IGSF5: variants seen among roughly 807,000 people sequenced by gnomAD.
IGSF5 encodes the protein immunoglobulin superfamily member 5, also known as immunoglobulin superfamily 5 like.
IGSF5 carries 41 observed loss-of-function variants against 39.4 expected under a neutral mutation model. The observed-to-expected ratio is 1.04, with a 90% CI of 0.81 to 1.35. The LOEUF (loss-of-function observed/expected upper bound fraction) is 1.35. IGSF5 is among the 40% of genes most tolerant of loss of function. IGSF5 has a pLI of 0.00. For synonymous variants in IGSF5, 183 were observed against 175.3 expected (o/e 1.04, Z -0.34); for missense variants, 487 against 494.6 (o/e 0.98, Z 0.15).
At chr21:39,722,798 G>A in the IGSF5 span, among the ~76,000 whole-genome samples, 1 of 151,972 alleles carries the variant, frequency 6.6e-6, no homozygotes, top group Non-Finnish European at 1.5e-5. Flanking sequence ...TTACTTGTCT[G>A]TTTTCTCTGC....
chr21:39,743,944 G>T (rs182202024), upstream of IGSF5, among the ~76,000 whole-genome samples: 6 of 152,256 alleles, frequency 3.9e-5, no homozygotes, highest in Non-Finnish European at 8.8e-5. Context: ...ATACATCTTA[G>T]GGGCAATTTT....
chr21:39,771,209 C>A lies in IGSF5; in HGVS notation c.712C>A (p.Pro238Thr). The change falls in exon 4 of 9, where the codon CCC becomes ACC. Residue 238 changes from proline (P) to threonine (T), a missense_variant. By Grantham distance (38) the Pro-to-Thr change is conservative (BLOSUM62 -1). Transcript: ENST00000380588. ...TGTAAATCTCACTGTGATTCGGTGT[C>A]CCCAAGGTAAGTGAAGACATTCTGC... ...ATVNLTVIRC[P>T]QDTGGGINIP... The A allele has an allele frequency of 6.4e-7, 1 of 1,557,870 alleles. No individual in the cohort carries two copies. The highest frequency in any genetic ancestry group is 8.7e-7 in the Non-Finnish European group (1 of 1,148,106).
chr21:39,748,118 C>A (rs751102189), intron 2 of IGSF5, among the ~76,000 whole-genome samples: 1 of 151,972 alleles, frequency 6.6e-6, no homozygotes, highest in Admixed American at 6.6e-5. Context: ...ATACTAGAAG[C>A]AGGGTGGGTT....
At chr21:39,786,946 T>C (rs928777948) in intron 5 of IGSF5, among the ~76,000 whole-genome samples, 1 of 148,914 alleles carries the variant, frequency 6.7e-6, no homozygotes, top group African/African-American at 2.5e-5. Context: ...CATCATACTC[T>C]GGGGACTGTT....
intron 4 of IGSF5, among the ~76,000 whole-genome samples, chr21:39,772,308 G>A (rs2080119236): frequency 6.6e-6 from 1 of 152,208 alleles, no homozygotes; most frequent in South Asian, 2.1e-4. Context: ...TGTAGAGTGA[G>A]TAAATGACAG....
chr21:39,718,473 T>A, the IGSF5 span, among the ~76,000 whole-genome samples: 1 of 152,202 alleles, frequency 6.6e-6, no homozygotes, highest in Non-Finnish European at 1.5e-5. Context: ...CGGTATAATG[T>A]TGGCTGTGGG....
the IGSF5 span, chr21:39,730,165 G>A: frequency 6.6e-6 from 1 of 152,244 alleles, no homozygotes; most frequent in East Asian, 1.9e-4. Context: ...ATCCCCTGAT[G>A]TTCCTGGGTT....
chr21:39,742,627 A>G (rs1001298426), upstream of IGSF5, among the ~76,000 whole-genome samples: 2 of 152,124 alleles, frequency 1.3e-5, no homozygotes, highest in African/African-American at 4.8e-5. Flanking sequence ...CATGGACAAG[A>G]GGGCGGCTTA....
At chr21:39,774,204 A>G (rs556596277) in intron 4 of IGSF5, among the ~76,000 whole-genome samples, 1 of 152,346 alleles carries the variant, frequency 6.6e-6, no homozygotes, top group Non-Finnish European at 1.5e-5. Context: ...AAGTTTTATT[A>G]GCTGAAGACC....
At chr21:39,715,482 A>T in the IGSF5 span, among the ~76,000 whole-genome samples, 1 of 152,138 alleles carries the variant, frequency 6.6e-6, no homozygotes, top group Non-Finnish European at 1.5e-5. Flanking sequence ...TTTTGTTTTC[A>T]TCTGAGCCAT....
the IGSF5 span, among the ~76,000 whole-genome samples, chr21:39,735,441 G>C: frequency 0.32 from 48,076 of 151,980 alleles, 7,654 homozygotes; most frequent in Non-Finnish European, 0.33. Flanking sequence ...ACTGCTATTT[G>C]TATAGATTAC....
chr21:39,758,369 C>G (rs930691523), intron 2 of IGSF5, among the ~76,000 whole-genome samples: 3 of 152,218 alleles, frequency 2.0e-5, no homozygotes, highest in Non-Finnish European at 2.9e-5. Context: ...AGGGCCATCA[C>G]TGTCCTGGGA....
chr21:39,722,620 G>C, the IGSF5 span: 2 of 152,078 alleles, frequency 1.3e-5, no homozygotes, highest in African/African-American at 4.8e-5. Flanking sequence ...AACAGAAGCT[G>C]GCCTATCCTG....
At chr21:39,772,785 A>G (rs925116818) in intron 4 of IGSF5, among the ~76,000 whole-genome samples, 3 of 152,224 alleles carry the variant, frequency 2.0e-5, no homozygotes, top group African/African-American at 7.2e-5. Flanking sequence ...TTTTGGCAAG[A>G]TATAGGTAAT....
At chr21:39,744,246 G>T (rs2079961163), upstream of IGSF5, among the ~76,000 whole-genome samples, 1 of 152,220 alleles carries the variant, frequency 6.6e-6, no homozygotes, top group East Asian at 1.9e-4. Flanking sequence ...GCTCAGGAGT[G>T]AGTCCTAGAG....
At chr21:39,745,807 C>T (rs553508811) in intron 1 of IGSF5, among the ~76,000 whole-genome samples, 22 of 152,242 alleles carry the variant, frequency 1.4e-4, no homozygotes, top group South Asian at 4.1e-4. Context: ...GACAGGTGTC[C>T]GGTATTTTCC....
At chr21:39,774,243 T>A (rs185106069) in intron 4 of IGSF5, among the ~76,000 whole-genome samples, 6 of 152,374 alleles carry the variant, frequency 3.9e-5, no homozygotes, top group Non-Finnish European at 8.8e-5. Flanking sequence ...GCGGAGCTGG[T>A]GACCAGACGA....
chr21:39,797,955 C>T (rs1205328324), intron 8 of IGSF5, among the ~76,000 whole-genome samples: 1 of 151,702 alleles, frequency 6.6e-6, no homozygotes, highest in African/African-American at 2.4e-5. Context: ...TATCAAACTG[C>T]CTTTCCACGC....
chr21:39,783,144 T>C (rs1423670258), intron 5 of IGSF5, among the ~76,000 whole-genome samples: 1 of 152,234 alleles, frequency 6.6e-6, no homozygotes, highest in Non-Finnish European at 1.5e-5. Flanking sequence ...TTTAGATTGA[T>C]TTCATATCTT....
Sources: allele counts gnomAD v4.1 joint callset (sites outside exome capture counted in the v4.1 genomes callset), GRCh38; gene constraint gnomAD v4.1.1; transcripts MANE v1.5; gene names NCBI Gene and HGNC (gene_info 2026-07-23, HGNC 2026-07-21).